CFAP221: variants seen among roughly 807,000 people sequenced by gnomAD.
The protein encoded by CFAP221 is cilia- and flagella-associated protein 221.
In CFAP221, 97 loss-of-function variants were observed where a neutral mutation model predicts 113.1. The ratio of observed to expected loss-of-function variants is 0.86; its 90% CI spans 0.73 to 1.02. The LOEUF (loss-of-function observed/expected upper bound fraction) is 1.02, where lower values mean the gene tolerates loss of function less well. Among genes scored for constraint, CFAP221 ranks in the 50% least tolerant of loss-of-function variants. The pLI, the probability that CFAP221 is intolerant of heterozygous loss-of-function variation, is 0.00. For missense variants in CFAP221, 1,025 were observed against 1,013.4 expected (o/e 1.01, Z -0.16); for synonymous variants, 331 against 354.4 (o/e 0.93, Z 0.74).
At chr2:119,612,811 C>T (rs1685268829) in intron 13 of CFAP221, among the ~76,000 whole-genome samples, 1 of 152,232 alleles carries the variant, frequency 6.6e-6, no homozygotes, top group Non-Finnish European at 1.5e-5. Context: ...AAAACACAAT[C>T]ATGCCCTTCC....
At chr2:119,638,559 A>G (rs2104785338) in intron 20 of CFAP221, 142 bp downstream of exon 20, 1 of 1,100,412 alleles carries the variant, frequency 9.1e-7, no homozygotes, top group Middle Eastern at 3.1e-4. Context: ...CGCCCCTCAT[A>G]CCGCCAGCCC....
chr2:119,559,365 A>G (rs1212327218), intron 3 of CFAP221, among the ~76,000 whole-genome samples: 1 of 152,126 alleles, frequency 6.6e-6, no homozygotes, highest in African/African-American at 2.4e-5. Context: ...AATTGAATTA[A>G]ACAAAAAGCA....
At chr2:119,603,237 C>T (rs948771619) in intron 8 of CFAP221, among the ~76,000 whole-genome samples, 2 of 152,180 alleles carry the variant, frequency 1.3e-5, no homozygotes, top group Non-Finnish European at 2.9e-5. Context: ...TAGACCTCTT[C>T]ATTTCCGTCA....
chr2:119,639,856 A>C lies in CFAP221; in HGVS notation c.2209A>C (p.Met737Leu). 2.5e-6 allele frequency: 4 copies of C among 1,613,936 alleles called. No homozygotes were observed. Among genetic ancestry groups the C allele is most frequent in the Non-Finnish European group, 3.4e-6 (4 of 1,179,818 alleles). The change falls in exon 21 of 24, where the codon ATG (methionine) becomes CTG (leucine). Residue 737 changes from methionine (M) to leucine (L), a missense_variant. Transcript: ENST00000413369. ...CTCCTCCCTGCCGGACCCCTCCAAG[A>C]TGGAGACCACAAAGAGGTAAGCACA... Reference protein sequence around the residue: ...VLSSLPDPSKMETTKSCDSFN... With the variant: ...VLSSLPDPSKLETTKSCDSFN...
In CFAP221 at chr2:119,572,333, T is replaced by G. The variant is rs142881141; in HGVS notation, c.527+10219T>G. 4.7e-3 allele frequency among the ~76,000 whole-genome samples: 722 copies of G among 152,352 alleles called. 2 individuals carry two copies. Among genetic ancestry groups the G allele is most frequent in the African/African-American group, 0.016 (675 of 41,578 alleles). ...CTCTTTCCCTTCTGTAGGTTGAAAC[T>G]GTGCTTTATAACTAGATATCCTAAC... is the stretch of plus-strand genomic sequence containing the variant. On this transcript the variant is annotated intron_variant, in intron 6 of 23. Transcript: ENST00000413369.
chr2:119,639,917 G>C (rs781242017), intron 21 of CFAP221, 45 bp downstream of exon 21: 2 of 1,488,994 alleles, frequency 1.3e-6, no homozygotes, highest in Non-Finnish European at 1.9e-6. Flanking sequence ...TGTGCCCCAT[G>C]TATTACAGAG....
intron 21 of CFAP221, among the ~76,000 whole-genome samples, chr2:119,642,805 G>T (rs1235826016): frequency 6.6e-6 from 1 of 151,964 alleles, no homozygotes; most frequent in Non-Finnish European, 1.5e-5. Flanking sequence ...CTCCCAAAGT[G>T]CTGGGATTAC....
At chr2:119,573,317 C>CT (rs1558925021) in intron 6 of CFAP221, 1 of 152,150 alleles carries the variant, frequency 6.6e-6, no homozygotes, top group Non-Finnish European at 1.5e-5. Flanking sequence ...AAAAAATTCA[C>CT]TTTTTTCAGC....
chr2:119,595,250 C>A (rs965255951), intron 7 of CFAP221, among the ~76,000 whole-genome samples: 4 of 152,190 alleles, frequency 2.6e-5, no homozygotes, highest in Admixed American at 6.5e-5. Flanking sequence ...GTCACTTTAA[C>A]CAAAGAGTAG....
At position 119,562,035 on chromosome 2, in the gene CFAP221, C is replaced by G; in HGVS notation, c.448C>G (p.Pro150Ala). 1.3e-6 allele frequency: 2 copies of G among 1,534,348 alleles called. No individual in the cohort carries two copies. The highest frequency in any genetic ancestry group is 8.7e-7 in the Non-Finnish European group (1 of 1,146,142). Residue 150 changes from proline to alanine, a missense_variant, in exon 6 of 24, where the codon CCT becomes GCT. Pro to Ala is a conservative substitution (Grantham distance 27, BLOSUM62 -1). Coordinates refer to ENST00000413369, the MANE Select transcript of CFAP221 (RefSeq NM_001271049.2). The part of the protein sequence containing the change: ...HCKGDDTLLV[P>A]IHAYPVMNSL... ...TTAGGGAGATGACACTTTGCTTGTT[C>G]CTATTCATGCCTATCCAGTCATGAA... is the stretch of plus-strand genomic sequence containing the variant.
rs374187619 is a variant in CFAP221, at chr2:119,559,485, T to C, written c.241-204T>C. Among the ~76,000 whole-genome samples, 8 of 152,122 alleles carry C rather than the reference T, an allele frequency of 5.3e-5. No homozygotes were observed. In the East Asian group the frequency reaches 1.2e-3, roughly 22 times the overall value. ...GTTCCTAAGGGGGAAAGTGGGGACATGGGGCACGTTTTATAATTCTTGAAA... is the reference window on the plus strand; with the variant it reads ...GTTCCTAAGGGGGAAAGTGGGGACACGGGGCACGTTTTATAATTCTTGAAA... On this transcript the variant is annotated intron_variant, in intron 3 of 23. Transcript: ENST00000413369.
At chr2:119,549,264 C>T in intron 3 of CFAP221, 79 bp downstream of exon 3, 1 of 1,141,928 alleles carries the variant, frequency 8.8e-7, no homozygotes, top group Non-Finnish European at 1.2e-6. Flanking sequence ...ATTCACTTAT[C>T]TAAAGCACAG....
chr2:119,657,187 C>G (rs1688475350), downstream of CFAP221, among the ~76,000 whole-genome samples: 1 of 152,124 alleles, frequency 6.6e-6, no homozygotes, highest in African/African-American at 2.4e-5. Context: ...CCAAAATTAT[C>G]CAAATATATT....
At chr2:119,552,301 ATTTC>A (rs961817986) in intron 3 of CFAP221, among the ~76,000 whole-genome samples, 128 of 147,176 alleles carry the variant, frequency 8.7e-4, no homozygotes, top group African/African-American at 2.8e-3. Context: ...AAATAGAAAT[ATTTC>A]TTTCTTTAAT....
At chr2:119,607,124 G>A (rs1047442876) in intron 11 of CFAP221, among the ~76,000 whole-genome samples, 3 of 152,120 alleles carry the variant, frequency 2.0e-5, no homozygotes, top group African/African-American at 2.4e-5. Flanking sequence ...AAAATGTACT[G>A]TATACCTAGT....
chr2:119,551,892 T>C (rs937595935), intron 3 of CFAP221, among the ~76,000 whole-genome samples: 1 of 152,228 alleles, frequency 6.6e-6, no homozygotes, highest in Admixed American at 6.5e-5. Flanking sequence ...AATAAATGTT[T>C]CGTAACTTTT....
At chr2:119,632,290 A>G (rs1008972417) in intron 19 of CFAP221, among the ~76,000 whole-genome samples, 3 of 152,238 alleles carry the variant, frequency 2.0e-5, no homozygotes, top group Admixed American at 6.5e-5. Flanking sequence ...ATTAATTGCT[A>G]TATAAAAAGG....
At chr2:119,645,047 T>C (rs994417749) in intron 21 of CFAP221, among the ~76,000 whole-genome samples, 7 of 117,110 alleles carry the variant, frequency 6.0e-5, no homozygotes, top group African/African-American at 2.3e-4. Context: ...AAATAACTTG[T>C]AGTAAGTTAC....
rs571068670 is a variant in CFAP221 at position 119,589,659 on chromosome 2, C to T, written c.631+2437C>T. The T allele has an allele frequency of 7.9e-5, 12 of 152,144 alleles. No homozygotes were observed. In the East Asian group the frequency reaches 1.3e-3, roughly 17 times the overall value. 9.4% of individuals were successfully genotyped at this position (152,144 alleles called of 1,614,324 possible). ...CCAGGCATTTTATGCTGAAGTTTGC[C>T]AAATGAAAAAACAATTTGAATCAAG... On this transcript the variant is annotated intron_variant, in intron 7 of 23. Transcript: ENST00000413369.
Sources: gnomAD v4.1 joint callset for allele counts (sites outside exome capture counted in the v4.1 genomes callset) on GRCh38, gnomAD v4.1.1 for gene constraint, MANE v1.5 for transcripts, NCBI Gene and HGNC (gene_info 2026-07-23, HGNC 2026-07-21) for gene names.